SUGT1: variants seen among roughly 807,000 people sequenced by gnomAD.
SUGT1 encodes SGT1 assembly cochaperone of MIS12 kinetochore complex.
SUGT1 carries 15 observed loss-of-function variants against 56.1 expected under a neutral mutation model. The observed-to-expected ratio is 0.27, with a 90% CI of 0.18 to 0.41. The LOEUF (loss-of-function observed/expected upper bound fraction) is 0.41, where lower values mean the gene tolerates loss of function less well. Among genes scored for constraint, SUGT1 ranks in the 10% least tolerant of loss-of-function variants. The pLI is 1.00. For synonymous variants in SUGT1, 123 were observed against 128.6 expected (o/e 0.96, Z 0.30); for missense variants, 347 against 382.2 (o/e 0.91, Z 0.77).
Position 52,696,532 on chromosome 13 carries a change from G to A in SUGT1, c.*8697G>A, listed in dbSNP as rs1383308021. ...CATAGTATGTACTCAAATATTGGAA[G>A]TTACTCATCCCAAACCATAGTGTTT... On this transcript the variant is annotated 3_prime_UTR_variant, in exon 13 of 13. Transcript: ENST00000310528. 1 of 152,174 alleles carries A rather than the reference G, an allele frequency of 6.6e-6. No homozygotes were observed. The highest frequency in any genetic ancestry group is 2.4e-5 in the African/African-American group (1 of 41,434). 9.4% of individuals were successfully genotyped at this position (152,174 alleles called of 1,614,324 possible).
At chr13:52,666,512 T>C (rs1434707667) in intron 9 of SUGT1, among the ~76,000 whole-genome samples, 1 of 152,244 alleles carries the variant, frequency 6.6e-6, no homozygotes, top group Non-Finnish European at 1.5e-5. Flanking sequence ...ATTTTGCTTT[T>C]GTATGTTTTC....
intron 10 of SUGT1, among the ~76,000 whole-genome samples, chr13:52,675,279 A>G (rs7999849): frequency 0.36 from 54,180 of 152,090 alleles, 10,488 homozygotes; most frequent in Admixed American, 0.46. Flanking sequence ...TGTCTTTAAT[A>G]TTTTAAAAAT....
chr13:52,652,846 T>A lies in SUGT1; in HGVS notation c.-75T>A. 2 of 1,568,868 alleles carry A rather than the reference T, an allele frequency of 1.3e-6. No homozygotes were observed. The highest frequency in any genetic ancestry group is 8.7e-7 in the Non-Finnish European group (1 of 1,155,532). ...GCTCGGTTGGTGTTTCTCCAGAAGT[T>A]TCCCCCTTGGGCGGTGGTGGAGGTG... On this transcript the variant is annotated 5_prime_UTR_variant, in exon 1 of 13. Transcript: ENST00000310528.
chr13:52,669,538 C>A (rs774875619), intron 10 of SUGT1, among the ~76,000 whole-genome samples: 3 of 152,154 alleles, frequency 2.0e-5, no homozygotes, highest in Admixed American at 6.6e-5. Context: ...TAACTAAATT[C>A]TTCAGCCTGG....
chr13:52,675,172 C>T (rs1963095026), intron 10 of SUGT1, among the ~76,000 whole-genome samples: 1 of 152,196 alleles, frequency 6.6e-6, no homozygotes, highest in African/African-American at 2.4e-5. Context: ...CCTTCACAGT[C>T]AGGTGTGCTC....
intron 12 of SUGT1, chr13:52,687,089 A>AAAAG (rs1353905136): frequency 1.3e-5 from 2 of 151,234 alleles, no homozygotes; most frequent in Non-Finnish European, 2.9e-5. Context: ...AAAAAAAAAA[A>AAAAG]AAAGAAATGT....
chr13:52,675,146 T>C (rs913318232), intron 10 of SUGT1, among the ~76,000 whole-genome samples: 2 of 152,190 alleles, frequency 1.3e-5, no homozygotes, highest in Non-Finnish European at 1.5e-5. Flanking sequence ...CCCTTCAAGA[T>C]GTATAAAGCG....
intron 12 of SUGT1, among the ~76,000 whole-genome samples, chr13:52,686,142 G>A (rs925258130): frequency 6.6e-6 from 1 of 151,958 alleles, no homozygotes; most frequent in Admixed American, 6.6e-5. Flanking sequence ...TGGCCAGGCT[G>A]GTCTTGAACT....
intron 5 of SUGT1, among the ~76,000 whole-genome samples, chr13:52,660,580 G>T (rs1291416534): frequency 6.6e-6 from 1 of 152,192 alleles, no homozygotes; most frequent in Non-Finnish European, 1.5e-5. Flanking sequence ...TTTTAGCACT[G>T]ATTATGCAAA....
chr13:52,669,680 G>A (rs1462571905), intron 10 of SUGT1, among the ~76,000 whole-genome samples: 1 of 151,982 alleles, frequency 6.6e-6, no homozygotes, highest in Non-Finnish European at 1.5e-5. Flanking sequence ...TTCTTGTCCT[G>A]ACCCTGGAAT....
At chr13:52,675,879 C>G (rs1963119585) in intron 10 of SUGT1, among the ~76,000 whole-genome samples, 1 of 152,128 alleles carries the variant, frequency 6.6e-6, no homozygotes, top group South Asian at 2.1e-4. Flanking sequence ...CACCTCTTCC[C>G]TCACTGCAGT....
intron 5 of SUGT1, among the ~76,000 whole-genome samples, chr13:52,659,947 G>A (rs1352317613): frequency 6.8e-6 from 1 of 146,834 alleles, no homozygotes; most frequent in East Asian, 2.0e-4. Context: ...TTCTGCCTCA[G>A]CCCCCCGAGT....
chr13:52,671,709 C>G (rs1270894099), intron 10 of SUGT1, among the ~76,000 whole-genome samples: 1 of 152,094 alleles, frequency 6.6e-6, no homozygotes, highest in Non-Finnish European at 1.5e-5. Context: ...ATTTAATCTT[C>G]TTGAGAACCC....
chr13:52,675,226 A>G (rs1301525498), intron 10 of SUGT1, among the ~76,000 whole-genome samples: 1 of 152,188 alleles, frequency 6.6e-6, no homozygotes, highest in East Asian at 1.9e-4. Context: ...AACTTCAGTA[A>G]CTTTCTTAAA....
At chr13:52,666,781 C>T (rs1174354400) in intron 9 of SUGT1, 31 bp from the exon 10 acceptor site, 2 of 1,471,146 alleles carry the variant, frequency 1.4e-6, no homozygotes, top group Admixed American at 1.7e-5. Flanking sequence ...TATACATTTA[C>T]AAAATGTGAT....
intron 2 of SUGT1, among the ~76,000 whole-genome samples, chr13:52,654,567 T>A (rs540543033): frequency 1.3e-5 from 2 of 152,372 alleles, no homozygotes; most frequent in South Asian, 4.1e-4. Context: ...CCATTCATAA[T>A]GCTCCTTAAT....
chr13:52,667,160 G>A (rs1157898316), intron 10 of SUGT1, among the ~76,000 whole-genome samples: 3 of 152,062 alleles, frequency 2.0e-5, no homozygotes, highest in African/African-American at 7.2e-5. Context: ...CAGATATAAT[G>A]TTTTTCAATA....
chr13:52,680,217 A>T, intron 12 of SUGT1, 62 bp downstream of exon 12: 2 of 1,497,568 alleles, frequency 1.3e-6, no homozygotes, highest in Non-Finnish European at 1.8e-6. Context: ...TAAACGAGAA[A>T]ATTGGTAATG....
At position 52,698,604 on chromosome 13, in the gene SUGT1, T is replaced by TAA. The variant is rs35215093; in HGVS notation, c.*10771_*10772dup. Reference sequence around the variant, plus strand: ...ACTACTAGTGCACTAAGCTAATTTTTAAATTTTTTTTGTAGAGACAGGGTC... The same window carrying TAA: ...ACTACTAGTGCACTAAGCTAATTTTTAAAAATTTTTTTTGTAGAGACAGGGTC... On this transcript the variant is annotated 3_prime_UTR_variant, in exon 13 of 13. Coordinates refer to ENST00000310528, the MANE Select transcript of SUGT1 (RefSeq NM_006704.5). The TAA allele has an allele frequency of 6.6e-6, 1 of 151,806 alleles. No individual in the cohort carries two copies. Among genetic ancestry groups the TAA allele is most frequent in the Non-Finnish European group, 1.5e-5 (1 of 68,018 alleles). The allele number at this position is 151,806 out of a possible 1,614,324, so 9.4% of individuals were successfully genotyped here. A position where few individuals can be genotyped will look rare whatever the true frequency, so the allele number is the denominator to read the frequency against.
Sources: gnomAD v4.1 joint callset for allele counts (sites outside exome capture counted in the v4.1 genomes callset) on GRCh38, gnomAD v4.1.1 for gene constraint, MANE v1.5 for transcripts, NCBI Gene and HGNC (gene_info 2026-07-23, HGNC 2026-07-21) for gene names.